ANK1: variants seen among roughly 807,000 people sequenced by gnomAD.
ANK1 encodes ankyrin-1.
A neutral mutation model predicts 210.4 loss-of-function variants in ANK1; 51 were observed. That is an observed-to-expected ratio of 0.24 (90% CI 0.19 to 0.31). The LOEUF is 0.31. Ranked by LOEUF, ANK1 falls within the 10% of genes least tolerant of loss-of-function variation. The probability of loss-of-function intolerance (pLI) is 1.00; values close to 1 mark genes in which losing one functional copy is unlikely to be tolerated. For missense variants in ANK1, 2,051 were observed against 2,504.4 expected, an observed-to-expected ratio of 0.82 and a Z score of 3.86; for synonymous variants, 967 against 1,025.9, an observed-to-expected ratio of 0.94 and a Z score of 1.10.
At chr8:41,731,825 G>A (rs750975082) in intron 3 of ANK1, among the ~76,000 whole-genome samples, 41 of 152,350 alleles carry the variant, frequency 2.7e-4, no homozygotes, top group East Asian at 7.7e-4. Flanking sequence ...TCGTGTTTCC[G>A]CAGCCCTTGA....
At chr8:41,765,361 C>T (rs1436897237) in intron 1 of ANK1, among the ~76,000 whole-genome samples, 2 of 151,742 alleles carry the variant, frequency 1.3e-5, no homozygotes, top group African/African-American at 4.8e-5. Flanking sequence ...GCGTCAACAC[C>T]CCCTTCCCCC....
chr8:41,816,881 A>G (rs1206206107), intron 1 of ANK1, among the ~76,000 whole-genome samples: 3 of 152,238 alleles, frequency 2.0e-5, no homozygotes, highest in Non-Finnish European at 2.9e-5. Flanking sequence ...AAAATATCAC[A>G]TTACATGACA....
chr8:41,876,629 G>A (rs1017065955), intron 1 of ANK1, among the ~76,000 whole-genome samples: 12 of 152,190 alleles, frequency 7.9e-5, no homozygotes, highest in Non-Finnish European at 1.6e-4. Flanking sequence ...ACCTCTAAAG[G>A]GCTCTGGTTT....
intron 9 of ANK1, among the ~76,000 whole-genome samples, chr8:41,721,765 A>G (rs1829348360): frequency 6.6e-6 from 1 of 151,304 alleles, no homozygotes; most frequent in African/African-American, 2.4e-5. Flanking sequence ...TGTTTAAGCC[A>G]CTCAGCATGT....
chr8:41,836,502 G>A (rs113639345), intron 1 of ANK1, among the ~76,000 whole-genome samples: 56 of 152,316 alleles, frequency 3.7e-4, no homozygotes, highest in African/African-American at 8.9e-4. Context: ...CAATGTGGCC[G>A]GGCTCCCGGT....
At position 41,661,894 on chromosome 8, in the gene ANK1, G is replaced by A. The variant is rs148504610; in HGVS notation, c.5526C>T (p.Ala1842=). 43 of 1,614,096 alleles carry A rather than the reference G, an allele frequency of 2.7e-5. No individual in the cohort carries two copies. The East Asian group carries it at 4.0e-4, about 15-fold the overall frequency. ...VRQIDLSSAD[A]AQEHEEVELR... Reference sequence around the variant, plus strand: ...CAGTCACCTCCTCGTGCTCCTGGGCGGCATCGGCGCTGGACAAGTCTATCT... The same window carrying A: ...CAGTCACCTCCTCGTGCTCCTGGGCAGCATCGGCGCTGGACAAGTCTATCT... The change falls in exon 41 of 43, where the codon GCC becomes GCT. Residue 1842 remains alanine, a synonymous_variant. Coordinates refer to ENST00000289734, the MANE Select transcript of ANK1 (RefSeq NM_000037.4).
rs543017008 is a variant in ANK1, at chr8:41,869,597, G to A, written c.126+26758C>T. Among the ~76,000 whole-genome samples the A allele has an allele frequency of 3.9e-4, 60 of 152,162 alleles. 1 individual carries two copies. Among genetic ancestry groups the A allele is most frequent in the African/African-American group, 1.4e-3 (59 of 41,510 alleles). ...CATCTAAAATTTAAAAAAAAGAAAG[G>A]AAAACCTGGGCCTTGAACACTGACC... On this transcript the variant is annotated intron_variant, in intron 1 of 42. Coordinates refer to the ANK1 transcript ENST00000265709.
At chr8:41,788,551 A>AGCTGTTCCTAGCTGCAATCCTAGCT (rs1378123209) in intron 1 of ANK1, among the ~76,000 whole-genome samples, 1 of 152,180 alleles carries the variant, frequency 6.6e-6, no homozygotes, top group Non-Finnish European at 1.5e-5. Context: ...CTGCAATCTC[A>AGCTGTTCCTAGCTGCAATCCTAGCT]GTTTCCTCAT....
intron 1 of ANK1, among the ~76,000 whole-genome samples, chr8:41,787,149 CTGGCCTGGCCCAGAGGGGTGGGCT>C (rs570438383): frequency 4.9e-4 from 74 of 152,354 alleles, no homozygotes; most frequent in Middle Eastern, 6.8e-3. Flanking sequence ...AGGGCAGGCC[CTGGCCTGGCCCAGAGGGGTGGGCT>C]GGGCTTGGAC....
chr8:41,675,024 G>C (rs1161180655), intron 37 of ANK1, among the ~76,000 whole-genome samples: 3 of 152,118 alleles, frequency 2.0e-5, no homozygotes, highest in Non-Finnish European at 2.9e-5. Flanking sequence ...GGACATTTTG[G>C]GGTCAACTGA....
intron 1 of ANK1, among the ~76,000 whole-genome samples, chr8:41,816,206 G>A (rs1280196639): frequency 1.3e-5 from 2 of 152,274 alleles, no homozygotes; most frequent in Middle Eastern, 3.4e-3. Context: ...GCACCTGCAT[G>A]TTATGAGAGT....
Position 41,704,558 on chromosome 8 carries a change from G to T in ANK1, c.2098-86C>A. On this transcript the variant is annotated intron_variant, in intron 18 of 42. Coordinates refer to ENST00000289734, the MANE Select transcript of ANK1 (RefSeq NM_000037.4). The surrounding 1 kb of genome is among the most constrained non-coding windows in gnomAD (Gnocchi z 4.1). ...CTTCCCAAAGCAGCTGATTCAAAGAGAGAACGGACAGGGAGCCCCTTGAAG... is the reference window on the plus strand; with the variant it reads ...CTTCCCAAAGCAGCTGATTCAAAGATAGAACGGACAGGGAGCCCCTTGAAG... 8.2e-7 allele frequency: 1 copy of T among 1,216,116 alleles called. No homozygotes were observed. Among genetic ancestry groups the T allele is most frequent in the African/African-American group, 1.5e-5 (1 of 67,446 alleles). The allele number at this position is 1,216,116 out of a possible 1,614,324, so 75.3% of individuals were successfully genotyped here. A position where few individuals can be genotyped will look rare whatever the true frequency, so the allele number is the denominator to read the frequency against.
In ANK1 at chr8:41,873,843, C is replaced by G. The variant is rs117585568; in HGVS notation, c.126+22512G>C. Among the ~76,000 whole-genome samples, 20 of 152,300 alleles carry G rather than the reference C, an allele frequency of 1.3e-4. No individual in the cohort carries two copies. The East Asian group carries it at 3.7e-3, about 28-fold the overall frequency. ...GCCTTTGTTGGGGAAACCTGGTCAC[C>G]AGCATGACTGCCTTATACGTTGAAC... On this transcript the variant is annotated intron_variant, in intron 1 of 42. Coordinates refer to the ANK1 transcript ENST00000265709.
intron 1 of ANK1, among the ~76,000 whole-genome samples, chr8:41,845,553 T>C (rs1809855059): frequency 1.3e-5 from 2 of 152,006 alleles, no homozygotes; most frequent in South Asian, 4.2e-4. Flanking sequence ...GTGCGTGCCT[T>C]TGGGGAGAAG....
intron 42 of ANK1, among the ~76,000 whole-genome samples, chr8:41,657,985 G>T (rs143546753): frequency 1.3e-5 from 2 of 152,286 alleles, no homozygotes; most frequent in East Asian, 3.9e-4. Context: ...GGGCTCAAGC[G>T]ATCCTCCCAC....
At chr8:41,740,448 C>A (rs1421890911) in intron 2 of ANK1, among the ~76,000 whole-genome samples, 1 of 140,000 alleles carries the variant, frequency 7.1e-6, no homozygotes, top group Non-Finnish European at 1.6e-5. Context: ...GCGTGAGCCA[C>A]CACGCCCAAT....
At chr8:41,763,594 G>C (rs1348181599) in intron 1 of ANK1, among the ~76,000 whole-genome samples, 1 of 152,142 alleles carries the variant, frequency 6.6e-6, no homozygotes, top group Non-Finnish European at 1.5e-5. Flanking sequence ...GGGTGTTCAG[G>C]CAGCCCTGAC....
intron 1 of ANK1, among the ~76,000 whole-genome samples, chr8:41,790,787 TG>T (rs1285020755): frequency 3.3e-5 from 5 of 152,152 alleles, no homozygotes; most frequent in African/African-American, 1.2e-4. Context: ...TAATGGGGGT[TG>T]GGGGAGGTAT....
Position 41,759,986 on chromosome 8 carries a change from G to A in ANK1, c.28-1849C>T, listed in dbSNP as rs559289860. Among the ~76,000 whole-genome samples the A allele has an allele frequency of 5.9e-5, 9 of 152,184 alleles. No homozygotes were observed. The South Asian group carries it at 8.3e-4, about 14-fold the overall frequency. On this transcript the variant is annotated intron_variant, in intron 1 of 42. Transcript: ENST00000289734. ...AACCTCCCAGCTCTGCAGCCAGCTCGGTCTCAGCTTTAACACCAGGCGCCC... is the reference window on the plus strand; with the variant it reads ...AACCTCCCAGCTCTGCAGCCAGCTCAGTCTCAGCTTTAACACCAGGCGCCC...
Sources: allele counts gnomAD v4.1 joint callset (sites outside exome capture counted in the v4.1 genomes callset), GRCh38; gene constraint gnomAD v4.1.1; non-coding constraint Gnocchi (gnomAD v3.1); transcripts MANE v1.5; gene names NCBI Gene and HGNC (gene_info 2026-07-23, HGNC 2026-07-21).